The following STIM2 variants were observed in gnomAD, a reference collection of about 807,000 sequenced individuals.
STIM2 encodes the protein stromal interaction molecule 2.
Under a neutral mutation model 85.8 loss-of-function variants are expected in STIM2, and 31 were observed. The observed-to-expected ratio is 0.36, with a 90% CI of 0.27 to 0.49. The LOEUF (loss-of-function observed/expected upper bound fraction) is 0.49, where lower values mean the gene tolerates loss of function less well. STIM2 is among the 20% of genes least tolerant of loss of function. The probability of loss-of-function intolerance (pLI) is 0.98; values close to 1 mark genes in which losing one functional copy is unlikely to be tolerated. For synonymous variants in STIM2, 356 were observed against 331.1 expected, an observed-to-expected ratio of 1.08 and a Z score of -0.82; for missense variants, 841 against 927.6, an observed-to-expected ratio of 0.91 and a Z score of 1.21.
intron 1 of STIM2, among the ~76,000 whole-genome samples, chr4:26,910,115 C>T (rs1167614572): frequency 6.6e-6 from 1 of 152,108 alleles, no homozygotes; most frequent in African/African-American, 2.4e-5. Context: ...CACCTGTTAA[C>T]TTTCTTTTTC....
At chr4:26,903,428 T>C (rs752529680) in intron 1 of STIM2, among the ~76,000 whole-genome samples, 1 of 152,226 alleles carries the variant, frequency 6.6e-6, no homozygotes, top group Non-Finnish European at 1.5e-5. Context: ...TGCATACTTG[T>C]ACTTGATTTT....
At chr4:26,922,893 T>C (rs1283935838) in intron 2 of STIM2, among the ~76,000 whole-genome samples, 1 of 152,190 alleles carries the variant, frequency 6.6e-6, no homozygotes, top group African/African-American at 2.4e-5. Flanking sequence ...TCTCTGTGCC[T>C]GGAACCTAGG....
chr4:26,902,523 G>C (rs1197132579), intron 1 of STIM2, among the ~76,000 whole-genome samples: 1 of 152,080 alleles, frequency 6.6e-6, no homozygotes, highest in African/African-American at 2.4e-5. Flanking sequence ...GGTAATAATG[G>C]AATAAGACTT....
At chr4:26,891,901 C>T (rs532734363) in intron 1 of STIM2, among the ~76,000 whole-genome samples, 247 of 152,284 alleles carry the variant, frequency 1.6e-3, no homozygotes, top group Admixed American at 2.7e-3. Flanking sequence ...TCTCATCTTG[C>T]GGCTCCCATA....
intron 3 of STIM2, among the ~76,000 whole-genome samples, chr4:26,969,951 T>C (rs1252959832): frequency 6.6e-6 from 1 of 152,150 alleles, no homozygotes; most frequent in Non-Finnish European, 1.5e-5. Flanking sequence ...GTATAGTGTA[T>C]CTTCTCTTTT....
At chr4:26,955,200 G>C (rs952172729) in intron 2 of STIM2, among the ~76,000 whole-genome samples, 2 of 147,126 alleles carry the variant, frequency 1.4e-5, no homozygotes, top group African/African-American at 5.2e-5. Flanking sequence ...ATATCCATAA[G>C]CTCATTCTGG....
chr4:26,877,540 A>G (rs1222426953), intron 1 of STIM2, among the ~76,000 whole-genome samples: 4 of 149,384 alleles, frequency 2.7e-5, no homozygotes, highest in Non-Finnish European at 5.9e-5. Context: ...CCTTCTTTAA[A>G]TGTGTCATAC....
intron 2 of STIM2, among the ~76,000 whole-genome samples, chr4:26,938,809 G>A (rs1725487470): frequency 6.6e-6 from 1 of 152,170 alleles, no homozygotes; most frequent in Admixed American, 6.5e-5. Flanking sequence ...GAGAGATTAA[G>A]TTATTTAAGT....
chr4:26,903,209 A>G (rs1723991945), intron 1 of STIM2, among the ~76,000 whole-genome samples: 1 of 151,980 alleles, frequency 6.6e-6, no homozygotes, highest in Non-Finnish European at 1.5e-5. Flanking sequence ...TTGGCCCCCT[A>G]CCTCTAGTCT....
intron 3 of STIM2, among the ~76,000 whole-genome samples, chr4:26,968,965 CTTA>C (rs1478667205): frequency 6.6e-6 from 1 of 152,038 alleles, no homozygotes; most frequent in Non-Finnish European, 1.5e-5. Flanking sequence ...TAGTGGTAGT[CTTA>C]TTATATATTT....
intron 2 of STIM2, among the ~76,000 whole-genome samples, chr4:26,947,734 C>T (rs1725889446): frequency 6.6e-6 from 1 of 152,194 alleles, no homozygotes; most frequent in Admixed American, 6.5e-5. Flanking sequence ...TGCTTTGGCA[C>T]TGCCCCACGG....
chr4:27,022,921 T>A lies in STIM2; in HGVS notation c.2166T>A (p.His722Gln). The change falls in exon 12 of 12, where the codon CAT becomes CAA. Residue 722 changes from histidine (H) to glutamine (Q), a missense_variant. Transcript: ENST00000467087. ...TTGCCAGAATAAGCAGCATCCCACA[T>A]GACCTTTGTCATAATGGAGAGAAAA... 1 of 1,614,206 alleles carries A rather than the reference T, an allele frequency of 6.2e-7. No individual in the cohort carries two copies. Among genetic ancestry groups the A allele is most frequent in the South Asian group, 1.1e-5 (1 of 91,086 alleles).
chr4:26,935,644 C>G (rs1053621178), intron 2 of STIM2, among the ~76,000 whole-genome samples: 1 of 152,158 alleles, frequency 6.6e-6, no homozygotes, highest in Non-Finnish European at 1.5e-5. Context: ...CCTAGCAATC[C>G]GTTTTAACAA....
intron 7 of STIM2, among the ~76,000 whole-genome samples, chr4:27,003,511 T>C (rs1331252391): frequency 1.3e-5 from 2 of 152,336 alleles, no homozygotes; most frequent in East Asian, 1.9e-4. Context: ...TTTTAGAACA[T>C]AATCTGCTAA....
intron 11 of STIM2, among the ~76,000 whole-genome samples, chr4:27,022,091 A>G (rs978625163): frequency 6.6e-6 from 1 of 152,192 alleles, no homozygotes; most frequent in African/African-American, 2.4e-5. Context: ...TAACAAAGCT[A>G]TAGTTCATCA....
At chr4:26,886,577 A>G (rs188311418) in intron 1 of STIM2, among the ~76,000 whole-genome samples, 5 of 152,164 alleles carry the variant, frequency 3.3e-5, no homozygotes, top group East Asian at 3.9e-4. Context: ...TGGCATGTGC[A>G]TGGGCCCTGA....
chr4:26,981,111 C>A (rs1290994848), intron 3 of STIM2, among the ~76,000 whole-genome samples: 1 of 152,134 alleles, frequency 6.6e-6, no homozygotes, highest in East Asian at 1.9e-4. Flanking sequence ...CAGAGCTTGA[C>A]TGCCTGTATT....
intron 3 of STIM2, among the ~76,000 whole-genome samples, chr4:26,962,206 A>C (rs1207669863): frequency 6.6e-6 from 1 of 152,236 alleles, no homozygotes; most frequent in South Asian, 2.1e-4. Context: ...CACTTATAAA[A>C]TGTAATTCTT....
chr4:26,889,012 C>A (rs1394479523), intron 1 of STIM2, among the ~76,000 whole-genome samples: 1 of 152,158 alleles, frequency 6.6e-6, no homozygotes, highest in South Asian at 2.1e-4. Context: ...ATCATTCTAT[C>A]TCCCAGTGGA....
Sources: allele counts gnomAD v4.1 joint callset (sites outside exome capture counted in the v4.1 genomes callset), GRCh38; gene constraint gnomAD v4.1.1; transcripts MANE v1.5; gene names NCBI Gene and HGNC (gene_info 2026-07-23, HGNC 2026-07-21).